NCOA1: variants seen among roughly 807,000 people sequenced by gnomAD.
NCOA1 encodes nuclear receptor coactivator 1, also known as Hin-2 protein.
A neutral mutation model predicts 150.9 loss-of-function variants in NCOA1; 35 were observed. The observed-to-expected ratio is 0.23, with a 90% CI of 0.18 to 0.31. The LOEUF is 0.31. Ranked by LOEUF, NCOA1 falls within the 10% of genes least tolerant of loss-of-function variation. NCOA1 has a pLI of 1.00. For missense variants in NCOA1, 1,491 were observed against 1,749.3 expected, an observed-to-expected ratio of 0.85 and a Z score of 2.63; for synonymous variants, 590 against 630.0, an observed-to-expected ratio of 0.94 and a Z score of 0.95.
chr2:24,767,922 G>T, intron 22 of NCOA1: 1 of 622,888 alleles, frequency 1.6e-6, no homozygotes, highest in Non-Finnish European at 2.8e-6. Context: ...CTGAAACTGG[G>T]CTTCTCCCAA....
At chr2:24,683,326 G>C (rs11674421) in intron 8 of NCOA1, among the ~76,000 whole-genome samples, 198 bp downstream of exon 8, 23,359 of 152,092 alleles carry the variant, frequency 0.15, 2,113 homozygotes, top group Non-Finnish European at 0.21. Context: ...CTGATGGAGA[G>C]TATTCCTTTC....
Position 24,761,276 on chromosome 2 carries a change from G to A in NCOA1, c.4066-1411G>A, listed in dbSNP as rs56175314. On this transcript the variant is annotated intron_variant, in intron 21 of 22. Coordinates refer to ENST00000348332, the MANE Select transcript of NCOA1 (RefSeq NM_003743.5). ...TGTCTCACATTCACCGATTCTCTAG[G>A]TTTGGGGGCTTTCGAGCACTGGGAT... Among the ~76,000 whole-genome samples, 502 of 152,272 alleles carry A rather than the reference G, an allele frequency of 3.3e-3. 3 individuals carry two copies. Among genetic ancestry groups the A allele is most frequent in the Non-Finnish European group, 5.8e-3 (394 of 68,014 alleles).
intron 3 of NCOA1, among the ~76,000 whole-genome samples, chr2:24,614,786 C>G (rs181232732): frequency 6.6e-6 from 1 of 152,168 alleles, no homozygotes; most frequent in African/African-American, 2.4e-5. Context: ...TTCATGTAAA[C>G]TTAGATAATT....
At chr2:24,630,013 GT>G (rs2148429514) in intron 3 of NCOA1, among the ~76,000 whole-genome samples, 1 of 151,396 alleles carries the variant, frequency 6.6e-6, no homozygotes, top group Non-Finnish European at 1.5e-5. Context: ...CCGGCTAATT[GT>G]TTTTGTATTT....
intron 3 of NCOA1, among the ~76,000 whole-genome samples, chr2:24,589,287 A>C (rs539489914): frequency 6.6e-6 from 1 of 152,216 alleles, no homozygotes; most frequent in East Asian, 1.9e-4. Flanking sequence ...CCTAGAATGC[A>C]TTGTCCATCT....
intron 8 of NCOA1, among the ~76,000 whole-genome samples, chr2:24,686,694 AG>A (rs1184587960): frequency 6.6e-6 from 1 of 152,182 alleles, no homozygotes; most frequent in Non-Finnish European, 1.5e-5. Flanking sequence ...GGTTCAAAAA[AG>A]TTTTGTCATG....
At chr2:24,755,863 C>T (rs1304285986) in intron 20 of NCOA1, among the ~76,000 whole-genome samples, 1 of 152,122 alleles carries the variant, frequency 6.6e-6, no homozygotes, top group African/African-American at 2.4e-5. Flanking sequence ...CTTACATAGC[C>T]TTGCTCCTCC....
At chr2:24,571,193 A>G (rs894153988) in intron 2 of NCOA1, among the ~76,000 whole-genome samples, 1 of 151,966 alleles carries the variant, frequency 6.6e-6, no homozygotes, top group African/African-American at 2.4e-5. Context: ...TCGTGCAACT[A>G]GACACTTGTG....
intron 1 of NCOA1, among the ~76,000 whole-genome samples, chr2:24,505,038 T>C (rs1663630094): frequency 6.6e-6 from 1 of 152,084 alleles, no homozygotes; most frequent in African/African-American, 2.4e-5. Context: ...GGCCAACTAT[T>C]GGTGTTGGCC....
chr2:24,769,076 A>T lies in NCOA1; in HGVS notation c.*685A>T. ...ATACAGTTTGGGGGAAAATGCAATA[A>T]TTTTTGATGAGATGGGTGAAGGACA... On this transcript the variant is annotated 3_prime_UTR_variant, in exon 23 of 23. Transcript: ENST00000348332. 4.7e-6 allele frequency: 1 copy of T among 214,236 alleles called. No homozygotes were observed. Among genetic ancestry groups the T allele is most frequent in the East Asian group, 7.0e-5 (1 of 14,186 alleles). The allele number at this position is 214,236 out of a possible 1,614,324, so 13.3% of individuals were successfully genotyped here. A position where few individuals can be genotyped will look rare whatever the true frequency, so the allele number is the denominator to read the frequency against.
intron 2 of NCOA1, among the ~76,000 whole-genome samples, chr2:24,573,806 G>T (rs534114194): frequency 1.2e-4 from 18 of 151,492 alleles, no homozygotes; most frequent in African/African-American, 4.1e-4. Flanking sequence ...AATAAATACC[G>T]GGTCAAACAG....
At chr2:24,627,831 C>A (rs986151028) in intron 3 of NCOA1, among the ~76,000 whole-genome samples, 2 of 152,182 alleles carry the variant, frequency 1.3e-5, no homozygotes, top group Non-Finnish European at 2.9e-5. Context: ...TCTCTGACAT[C>A]TTGTTTTCTC....
rs141087370 is a variant in NCOA1, at chr2:24,677,888, C to A, written c.354+4425C>A. On this transcript the variant is annotated intron_variant, in intron 7 of 22. Transcript: ENST00000348332. ...GTGCCACACTTTTTTTTTTCTTCAA[C>A]TTTTAAGTTCCGGGGTACATGTGTA... is the stretch of plus-strand genomic sequence containing the variant. Among the ~76,000 whole-genome samples the A allele has an allele frequency of 6.4e-3, 969 of 151,852 alleles. 13 individuals are homozygous for A. The highest frequency in any genetic ancestry group is 0.021 in the African/African-American group (890 of 41,414).
At chr2:24,554,314 A>G (rs1665981624) in intron 1 of NCOA1, 1 of 152,220 alleles carries the variant, frequency 6.6e-6, no homozygotes, top group Non-Finnish European at 1.5e-5. Flanking sequence ...GTAAGTTTCT[A>G]AAAACTACTT....
intron 17 of NCOA1, among the ~76,000 whole-genome samples, chr2:24,731,123 A>G (rs1662990073): frequency 6.6e-6 from 1 of 152,074 alleles, no homozygotes; most frequent in African/African-American, 2.4e-5. Flanking sequence ...GTAGTTTCTA[A>G]AACCATATTT....
At chr2:24,759,482 G>A (rs941422059) in intron 21 of NCOA1, among the ~76,000 whole-genome samples, 2 of 152,284 alleles carry the variant, frequency 1.3e-5, no homozygotes, top group African/African-American at 4.8e-5. Flanking sequence ...CCATCTAAGT[G>A]TGTGGAATTT....
intron 11 of NCOA1, among the ~76,000 whole-genome samples, chr2:24,699,260 C>T (rs1673042121): frequency 6.6e-6 from 1 of 152,152 alleles, no homozygotes; most frequent in Admixed American, 6.6e-5. Context: ...CAAGGCTTTA[C>T]TTAAAAGACT....
intron 2 of NCOA1, among the ~76,000 whole-genome samples, chr2:24,583,306 A>T (rs1001572884): frequency 6.6e-6 from 1 of 152,166 alleles, no homozygotes; most frequent in Non-Finnish European, 1.5e-5. Flanking sequence ...TGGAAAAAAT[A>T]TTAAACTTCA....
At chr2:24,708,679 G>T (rs965842796) in intron 13 of NCOA1, among the ~76,000 whole-genome samples, 1 of 152,108 alleles carries the variant, frequency 6.6e-6, no homozygotes, top group Non-Finnish European at 1.5e-5. Context: ...GACAATGTAT[G>T]TACAAAGCAG....
Sources: allele counts gnomAD v4.1 joint callset (sites outside exome capture counted in the v4.1 genomes callset), GRCh38; gene constraint gnomAD v4.1.1; transcripts MANE v1.5; gene names NCBI Gene and HGNC (gene_info 2026-07-23, HGNC 2026-07-21).